The following RBFOX1 variants were observed in gnomAD, a reference collection of about 807,000 sequenced individuals.
RBFOX1 encodes RNA binding protein fox-1 homolog 1.
A neutral mutation model predicts 57.7 loss-of-function variants in RBFOX1; 8 were observed. That is an observed-to-expected ratio of 0.14 (90% CI 0.08 to 0.25). RBFOX1 has a LOEUF of 0.25. Ranked by LOEUF, RBFOX1 falls within the 10% of genes least tolerant of loss-of-function variation. The probability of loss-of-function intolerance (pLI) is 1.00; values close to 1 mark genes in which losing one functional copy is unlikely to be tolerated. For synonymous variants in RBFOX1, 326 were observed against 222.4 expected (o/e 1.47, Z -4.15); for missense variants, 611 against 548.5 (o/e 1.11, Z -1.14).
At chr16:5,535,694 G>C (rs1490739832) in intron 2 of RBFOX1, among the ~76,000 whole-genome samples, 1 of 152,196 alleles carries the variant, frequency 6.6e-6, no homozygotes, top group African/African-American at 2.4e-5. Context: ...AACACCAAGA[G>C]CCTCCTTTCA....
At chr16:6,461,694 G>C (rs1221260981) in intron 2 of RBFOX1, among the ~76,000 whole-genome samples, 1 of 152,114 alleles carries the variant, frequency 6.6e-6, no homozygotes, top group Non-Finnish European at 1.5e-5. Context: ...TTTAATGGAA[G>C]ATTATTTTTT....
At chr16:6,596,748 C>T (rs1430360055) in intron 2 of RBFOX1, among the ~76,000 whole-genome samples, 1 of 152,134 alleles carries the variant, frequency 6.6e-6, no homozygotes, top group Non-Finnish European at 1.5e-5. Flanking sequence ...GAGCAAAGCC[C>T]TTCTTCCTTC....
chr16:6,501,607 C>T (rs2095931521), intron 2 of RBFOX1, among the ~76,000 whole-genome samples: 2 of 152,154 alleles, frequency 1.3e-5, no homozygotes. Flanking sequence ...CATACGTGTG[C>T]ATGCATGTGT....
chr16:7,037,941 A>G (rs1018084353), intron 3 of RBFOX1, among the ~76,000 whole-genome samples: 2 of 152,208 alleles, frequency 1.3e-5, no homozygotes, highest in Non-Finnish European at 2.9e-5. Context: ...TCAACTTCTG[A>G]TAAAATTATT....
At chr16:6,390,616 T>G (rs893683203) in intron 2 of RBFOX1, among the ~76,000 whole-genome samples, 2 of 152,074 alleles carry the variant, frequency 1.3e-5, no homozygotes, top group Non-Finnish European at 2.9e-5. Flanking sequence ...TAAAATAAAC[T>G]ATGAATTAAA....
At chr16:6,709,249 G>A (rs1314685558) in intron 3 of RBFOX1, among the ~76,000 whole-genome samples, 2 of 152,194 alleles carry the variant, frequency 1.3e-5, no homozygotes, top group South Asian at 2.1e-4. Flanking sequence ...AGTTTCACAC[G>A]AGCGGATGCA....
intron 4 of RBFOX1, among the ~76,000 whole-genome samples, chr16:7,190,206 C>G (rs529705376): frequency 2.0e-5 from 3 of 152,094 alleles, no homozygotes; most frequent in Middle Eastern, 3.4e-3. Context: ...ACTAAAAATA[C>G]AGAAATTACC....
At chr16:6,876,516 A>T (rs1485121938) in intron 3 of RBFOX1, among the ~76,000 whole-genome samples, 7 of 152,228 alleles carry the variant, frequency 4.6e-5, no homozygotes. Flanking sequence ...CCTAGCACAC[A>T]GTAGGCATTT....
chr16:6,970,532 C>T (rs935178895), intron 3 of RBFOX1, among the ~76,000 whole-genome samples: 4 of 152,192 alleles, frequency 2.6e-5, no homozygotes, highest in Admixed American at 2.0e-4. Context: ...GATTCAGTGT[C>T]CGGTGAGGGC....
intron 1 of RBFOX1, among the ~76,000 whole-genome samples, chr16:5,313,850 A>T (rs1029439009): frequency 3.9e-5 from 6 of 151,962 alleles, no homozygotes; most frequent in African/African-American, 1.2e-4. Flanking sequence ...TGGATTGGGG[A>T]CACAGCCAAA....
intron 2 of RBFOX1, among the ~76,000 whole-genome samples, chr16:6,331,107 G>A (rs1179106248): frequency 6.6e-6 from 1 of 152,172 alleles, no homozygotes; most frequent in African/African-American, 2.4e-5. Flanking sequence ...TGGCTACTGT[G>A]TTGAAGAAGG....
At chr16:5,752,152 T>G (rs2053231328) in intron 3 of RBFOX1, among the ~76,000 whole-genome samples, 1 of 152,236 alleles carries the variant, frequency 6.6e-6, no homozygotes, top group African/African-American at 2.4e-5. Context: ...GCTATTGTCC[T>G]CAGCAAACTG....
intron 4 of RBFOX1, among the ~76,000 whole-genome samples, chr16:7,108,470 C>G (rs1040637302): frequency 6.6e-6 from 1 of 152,120 alleles, no homozygotes; most frequent in Non-Finnish European, 1.5e-5. Context: ...ATTCATTGAT[C>G]TGGTAAACAT....
chr16:6,011,631 T>G (rs780526385), intron 4 of RBFOX1, among the ~76,000 whole-genome samples: 8 of 152,194 alleles, frequency 5.3e-5, no homozygotes, highest in Admixed American at 2.0e-4. Flanking sequence ...TTATTTTTAC[T>G]CTTCTGCACA....
At chr16:7,362,366 AGT>A (rs1025156231) in intron 4 of RBFOX1, among the ~76,000 whole-genome samples, 17 of 148,836 alleles carry the variant, frequency 1.1e-4, no homozygotes, top group Admixed American at 2.0e-4. Context: ...TGTGTATGCT[AGT>A]GTGTGTGTAT....
chr16:6,311,468 T>C (rs1599498323), intron 1 of RBFOX1, among the ~76,000 whole-genome samples: 1 of 152,224 alleles, frequency 6.6e-6, no homozygotes, highest in African/African-American at 2.4e-5. Flanking sequence ...GGAGATGATG[T>C]TGGAGAATCC....
At chr16:5,719,837 C>T (rs1269849071) in intron 3 of RBFOX1, among the ~76,000 whole-genome samples, 2 of 152,110 alleles carry the variant, frequency 1.3e-5, no homozygotes, top group African/African-American at 4.8e-5. Context: ...CCGTGTTTGG[C>T]TATTATGAAT....
intron 4 of RBFOX1, among the ~76,000 whole-genome samples, chr16:7,208,345 G>A (rs1368779992): frequency 6.6e-6 from 1 of 152,182 alleles, no homozygotes; most frequent in Non-Finnish European, 1.5e-5. Context: ...TAACGCTGGG[G>A]AATTTATAAA....
chr16:6,589,550 C>T (rs1001725904), intron 2 of RBFOX1, among the ~76,000 whole-genome samples: 2 of 152,200 alleles, frequency 1.3e-5, no homozygotes, highest in South Asian at 2.1e-4. Flanking sequence ...CAAAATATCT[C>T]GACCACTGGT....
Sources: allele counts gnomAD v4.1 joint callset (sites outside exome capture counted in the v4.1 genomes callset), GRCh38; gene constraint gnomAD v4.1.1; transcripts MANE v1.5; gene names NCBI Gene and HGNC (gene_info 2026-07-23, HGNC 2026-07-21).